Variants in KPNA1 observed in about 807,000 individuals in gnomAD.
The protein encoded by KPNA1 is karyopherin subunit alpha 1, also known as importin subunit alpha-5.
Under a neutral mutation model 70.5 loss-of-function variants are expected in KPNA1, and 10 were observed. The ratio of observed to expected loss-of-function variants is 0.14; its 90% CI spans 0.09 to 0.24. KPNA1 has a LOEUF of 0.24. KPNA1 is among the 10% of genes least tolerant of loss of function. The pLI is 1.00. For synonymous variants in KPNA1, 192 were observed against 221.9 expected (o/e 0.87, Z 1.20); for missense variants, 397 against 637.9 (o/e 0.62, Z 4.07).
At chr3:122,460,188 T>C in intron 5 of KPNA1, 1 of 985,334 alleles carries the variant, frequency 1.0e-6, no homozygotes, top group Non-Finnish European at 1.2e-6. Context: ...TATTTGTAAC[T>C]AATAAAGGCA....
chr3:122,461,302 A>G lies in KPNA1; in HGVS notation c.354T>C (p.Ile118=). Residue 118 remains isoleucine, a synonymous_variant, in exon 5 of 14, where the codon ATT becomes ATC. Coordinates refer to ENST00000344337, the MANE Select transcript of KPNA1 (RefSeq NM_002264.4). ...KLLSKEPNPP[I]DEVISTPGVV... ...CTCCTGGTGTGCTGATAACTTCATC[A>G]ATAGGAGGGTTAGGTTCTGTTTCCC... 6.2e-7 allele frequency: 1 copy of G among 1,611,482 alleles called. No individual in the cohort carries two copies.
At chr3:122,510,930 G>A (rs1576355428) in intron 1 of KPNA1, among the ~76,000 whole-genome samples, 1 of 152,084 alleles carries the variant, frequency 6.6e-6, no homozygotes, top group East Asian at 1.9e-4. Context: ...ATTTCATGGT[G>A]TTAAACTACA....
intron 3 of KPNA1, among the ~76,000 whole-genome samples, chr3:122,465,407 A>G (rs2076369489): frequency 6.6e-6 from 1 of 152,252 alleles, no homozygotes; most frequent in Non-Finnish European, 1.5e-5. Context: ...CACAAAGCCT[A>G]TTTTATAATA....
chr3:122,453,513 G>GT (rs113779707), intron 6 of KPNA1, among the ~76,000 whole-genome samples: 8 of 151,268 alleles, frequency 5.3e-5, no homozygotes, highest in South Asian at 2.1e-4. Flanking sequence ...AAATTTTGTG[G>GT]TTTTTTTTGT....
chr3:122,496,763 G>A (rs1330674927), intron 1 of KPNA1, 193 bp from the exon 2 acceptor site: 9 of 428,190 alleles, frequency 2.1e-5, no homozygotes, highest in Middle Eastern at 6.1e-4. Flanking sequence ...GAGTACAGTG[G>A]TGCAATCATA....
At chr3:122,464,489 G>GT (rs2076359294) in intron 3 of KPNA1, among the ~76,000 whole-genome samples, 1 of 152,070 alleles carries the variant, frequency 6.6e-6, no homozygotes, top group Non-Finnish European at 1.5e-5. Flanking sequence ...CCAGTATACT[G>GT]TAACTTCCTT....
intron 12 of KPNA1, among the ~76,000 whole-genome samples, chr3:122,429,368 A>C (rs960960815): frequency 6.6e-6 from 1 of 151,020 alleles, no homozygotes; most frequent in African/African-American, 2.4e-5. Flanking sequence ...GAATTGCTTG[A>C]ACACAGGAGG....
chr3:122,461,330 T>A lies in KPNA1; in HGVS notation c.338-12A>T, dbSNP rs752217516. On this transcript the variant is annotated splice_polypyrimidine_tract_variant and intron_variant, in intron 4 of 13. Transcript: ENST00000344337. The stretch of plus-strand genomic sequence containing the variant: ...AGGAGGGTTAGGTTCTGTTTCCCCA[T>A]AAAATAAAAGAAAAAAAAAATCCTT... The A allele has an allele frequency of 8.9e-6, 14 of 1,572,494 alleles. No homozygotes were observed. The African/African-American group carries it at 1.8e-4, about 20-fold the overall frequency.
chr3:122,502,104 C>A lies in KPNA1; in HGVS notation c.-5-5534G>T, dbSNP rs7645761. Among the ~76,000 whole-genome samples, 812 of 152,196 alleles carry A rather than the reference C, an allele frequency of 5.3e-3. 6 individuals are homozygous for A. Among genetic ancestry groups the A allele is most frequent in the African/African-American group, 0.018 (762 of 41,538 alleles). ...TATTTTATTTGGATCTCTTAACAAACCTTTATGGCAAAAAATATCATTCTC... is the reference window on the plus strand; with the variant it reads ...TATTTTATTTGGATCTCTTAACAAAACTTTATGGCAAAAAATATCATTCTC... On this transcript the variant is annotated intron_variant, in intron 1 of 13. Coordinates refer to ENST00000344337, the MANE Select transcript of KPNA1 (RefSeq NM_002264.4).
At chr3:122,505,740 CTAGT>C (rs1390520510) in intron 1 of KPNA1, among the ~76,000 whole-genome samples, 2 of 152,176 alleles carry the variant, frequency 1.3e-5, no homozygotes, top group Non-Finnish European at 2.9e-5. Context: ...TCCTTCATGT[CTAGT>C]TACTCAATTA....
chr3:122,441,602 CT>C (rs374275451), intron 10 of KPNA1, among the ~76,000 whole-genome samples: 72 of 147,306 alleles, frequency 4.9e-4, no homozygotes, highest in African/African-American at 5.4e-4. Flanking sequence ...CCTAAACCAA[CT>C]TTTTTTTTTT....
intron 1 of KPNA1, among the ~76,000 whole-genome samples, chr3:122,511,856 A>G (rs1422887854): frequency 1.3e-5 from 2 of 152,256 alleles, no homozygotes; most frequent in Admixed American, 1.3e-4. Flanking sequence ...TCTAAAAACA[A>G]TCTGGTAGAC....
At chr3:122,510,114 C>A (rs983204769) in intron 1 of KPNA1, among the ~76,000 whole-genome samples, 11 of 152,112 alleles carry the variant, frequency 7.2e-5, no homozygotes, top group Non-Finnish European at 1.6e-4. Context: ...GAATTTTATA[C>A]CCAGACAAAT....
At chr3:122,442,535 C>T (rs938282854) in intron 9 of KPNA1, among the ~76,000 whole-genome samples, 4 of 152,146 alleles carry the variant, frequency 2.6e-5, no homozygotes, top group African/African-American at 7.2e-5. Flanking sequence ...GACACATCAA[C>T]AGCTGAACTA....
chr3:122,479,404 C>A (rs767560356), intron 2 of KPNA1, among the ~76,000 whole-genome samples: 7 of 152,264 alleles, frequency 4.6e-5, no homozygotes, highest in Non-Finnish European at 1.0e-4. Context: ...ATATTCATTG[C>A]CGGCAGAAAA....
At chr3:122,428,248 C>T (rs746723775) in intron 12 of KPNA1, among the ~76,000 whole-genome samples, 3 of 152,280 alleles carry the variant, frequency 2.0e-5, no homozygotes, top group Middle Eastern at 3.4e-3. Flanking sequence ...CAAGATTAAT[C>T]ATACTTGAAC....
At chr3:122,496,010 T>C (rs922608385) in intron 2 of KPNA1, among the ~76,000 whole-genome samples, 5 of 152,340 alleles carry the variant, frequency 3.3e-5, no homozygotes, top group African/African-American at 4.8e-5. Context: ...GACTGGTTTA[T>C]GTATGAGGTT....
chr3:122,451,076 T>C (rs2076197106), intron 8 of KPNA1, among the ~76,000 whole-genome samples: 1 of 151,576 alleles, frequency 6.6e-6, no homozygotes, highest in African/African-American at 2.4e-5. Flanking sequence ...TGCACCAAAA[T>C]CTCAGAAATC....
At chr3:122,506,794 T>C (rs896480941) in intron 1 of KPNA1, among the ~76,000 whole-genome samples, 3 of 152,218 alleles carry the variant, frequency 2.0e-5, no homozygotes, top group South Asian at 2.1e-4. Context: ...TCCCAGTATC[T>C]ATAGGTTCCC....
Sources: allele counts gnomAD v4.1 joint callset (sites outside exome capture counted in the v4.1 genomes callset), GRCh38; gene constraint gnomAD v4.1.1; transcripts MANE v1.5; gene names NCBI Gene and HGNC (gene_info 2026-07-23, HGNC 2026-07-21).